The following PRKCB variants were observed in gnomAD, a reference collection of about 807,000 sequenced individuals.
PRKCB encodes the protein protein kinase C beta, also known as protein kinase C beta type.
PRKCB carries 13 observed loss-of-function variants against 81.5 expected under a neutral mutation model. The observed-to-expected ratio is 0.16, with a 90% CI of 0.10 to 0.25. The LOEUF is 0.25. Among genes scored for constraint, PRKCB ranks in the 10% least tolerant of loss-of-function variants. The pLI is 1.00. For synonymous variants in PRKCB, 335 were observed against 321.4 expected (o/e 1.04, Z -0.45); for missense variants, 509 against 875.7 (o/e 0.58, Z 5.29).
chr16:24,021,355 CTCCT>C lies in PRKCB; in HGVS notation c.289-10777_289-10774del, dbSNP rs1395926251. Among the ~76,000 whole-genome samples, 205 of 73,178 alleles carry C rather than the reference CTCCT, an allele frequency of 2.8e-3. 25 individuals carry two copies. The highest frequency in any genetic ancestry group is 4.1e-3 in the African/African-American group (64 of 15,576). 48.0% of individuals were successfully genotyped at this position (73,178 alleles called of 152,430 possible). A position where few individuals can be genotyped will look rare whatever the true frequency, so the allele number is the denominator to read the frequency against. The stretch of plus-strand genomic sequence containing the variant: ...CCTTCCTTCCTTCCTTCCTTCCTTC[CTCCT>C]TCCCTCCCTCCCTCCCCCCTCCTCC... On this transcript the variant is annotated intron_variant, in intron 3 of 16. Transcript: ENST00000643927.
intron 2 of PRKCB, among the ~76,000 whole-genome samples, chr16:23,966,219 C>T (rs1384988362): frequency 6.6e-6 from 1 of 152,172 alleles, no homozygotes; most frequent in African/African-American, 2.4e-5. Context: ...CATCTCTTGC[C>T]CTGGGAGGGG....
intron 2 of PRKCB, among the ~76,000 whole-genome samples, chr16:23,871,858 G>GT (rs61498403): frequency 5.9e-4 from 87 of 146,922 alleles, no homozygotes; most frequent in Admixed American, 1.4e-3. Context: ...AGTTATACAG[G>GT]TTTTTTTTTT....
At chr16:24,017,232 A>G (rs1314094643) in intron 3 of PRKCB, among the ~76,000 whole-genome samples, 5 of 152,232 alleles carry the variant, frequency 3.3e-5, no homozygotes, top group Non-Finnish European at 4.4e-5. Context: ...TACATAAGAA[A>G]TTCGTGTATC....
At position 24,215,284 on chromosome 16, in the gene PRKCB, G is replaced by A. The variant is rs1968208929; in HGVS notation, c.*468G>A. The A allele has an allele frequency of 1.0e-6, 1 of 987,054 alleles. No homozygotes were observed. The allele number at this position is 987,054 out of a possible 1,614,324, so 61.1% of individuals were successfully genotyped here. On this transcript the variant is annotated 3_prime_UTR_variant, in exon 17 of 17. Coordinates refer to ENST00000643927, the MANE Select transcript of PRKCB (RefSeq NM_002738.7). ...ATCCCTCTATTTCACCTGTTCTGGAGGCACCAGACCTTGAAAAGAACATGC... is the reference window on the plus strand; with the variant it reads ...ATCCCTCTATTTCACCTGTTCTGGAAGCACCAGACCTTGAAAAGAACATGC...
At chr16:24,146,402 C>T (rs924196821) in intron 9 of PRKCB, among the ~76,000 whole-genome samples, 8 of 152,186 alleles carry the variant, frequency 5.3e-5, no homozygotes, top group African/African-American at 1.4e-4. Flanking sequence ...ATAAAACTCT[C>T]TCAGCAGCAC....
chr16:23,867,017 C>T (rs1002635986), intron 2 of PRKCB, among the ~76,000 whole-genome samples: 6 of 83,372 alleles, frequency 7.2e-5, no homozygotes, highest in African/African-American at 3.1e-4. Context: ...TCCTTCCTTC[C>T]TTCCTTCCTT....
intron 2 of PRKCB, among the ~76,000 whole-genome samples, chr16:23,901,353 GTTA>G (rs1405644699): frequency 6.6e-6 from 1 of 152,080 alleles, no homozygotes; most frequent in East Asian, 1.9e-4. Context: ...AAAAAAAATC[GTTA>G]ACTCAACGGG....
intron 5 of PRKCB, among the ~76,000 whole-genome samples, chr16:24,073,217 A>G (rs1966136081): frequency 6.6e-6 from 1 of 152,204 alleles, no homozygotes; most frequent in African/African-American, 2.4e-5. Flanking sequence ...TATTTTGACT[A>G]TCAGCCCTGT....
intron 5 of PRKCB, among the ~76,000 whole-genome samples, chr16:24,051,398 C>A (rs1965840560): frequency 6.6e-6 from 1 of 152,134 alleles, no homozygotes; most frequent in Non-Finnish European, 1.5e-5. Flanking sequence ...TTAGCACAGG[C>A]TGGCCCAGAG....
At chr16:23,878,677 A>C (rs1427725539) in intron 2 of PRKCB, among the ~76,000 whole-genome samples, 1 of 152,230 alleles carries the variant, frequency 6.6e-6, no homozygotes, top group Non-Finnish European at 1.5e-5. Context: ...ATCATGAAAG[A>C]ACCTTGAGTA....
intron 3 of PRKCB, among the ~76,000 whole-genome samples, chr16:23,994,269 T>C (rs1964926975): frequency 2.6e-5 from 4 of 152,200 alleles, no homozygotes; most frequent in African/African-American, 7.2e-5. Context: ...AATGGAATTT[T>C]AGCTCAGGTC....
chr16:24,029,869 C>T (rs1965529678), intron 3 of PRKCB, among the ~76,000 whole-genome samples: 1 of 152,124 alleles, frequency 6.6e-6, no homozygotes, highest in Non-Finnish European at 1.5e-5. Context: ...GAACCTAAGG[C>T]CCATGTTATT....
intron 7 of PRKCB, among the ~76,000 whole-genome samples, chr16:24,107,819 TG>T (rs1423212786): frequency 6.6e-6 from 1 of 152,240 alleles, no homozygotes; most frequent in African/African-American, 2.4e-5. Context: ...TGGGCTCTGT[TG>T]GGGCACCTTT....
intron 8 of PRKCB, among the ~76,000 whole-genome samples, chr16:24,116,809 C>T (rs1270737401): frequency 6.6e-6 from 1 of 152,182 alleles, no homozygotes; most frequent in East Asian, 1.9e-4. Flanking sequence ...GGGTGAAAAA[C>T]ACAAGGCCAG....
At chr16:24,024,692 C>A (rs1386206736) in intron 3 of PRKCB, among the ~76,000 whole-genome samples, 2 of 152,200 alleles carry the variant, frequency 1.3e-5, no homozygotes, top group African/African-American at 4.8e-5. Context: ...TGTGTCCCAG[C>A]CACTCAGCAT....
intron 5 of PRKCB, among the ~76,000 whole-genome samples, chr16:24,055,758 C>T (rs1204200461): frequency 6.6e-6 from 1 of 152,186 alleles, no homozygotes; most frequent in African/African-American, 2.4e-5. Flanking sequence ...AAGGATGTTC[C>T]AGTGCATCTT....
intron 3 of PRKCB, among the ~76,000 whole-genome samples, chr16:24,014,788 T>C (rs1313955112): frequency 6.6e-6 from 1 of 152,134 alleles, no homozygotes; most frequent in Non-Finnish European, 1.5e-5. Flanking sequence ...GTGTGATTAT[T>C]ATTTCCTTTT....
rs13337932 is a variant in PRKCB, at chr16:23,988,787, A to G, written c.288+197A>G. ...AGGGAGTGTGGCTGGATAGGAAGTC[A>G]GCTAGTTTGTCTACTATGATTTTGC... On this transcript the variant is annotated intron_variant, in intron 3 of 16. Transcript: ENST00000643927. Among the ~76,000 whole-genome samples the G allele has an allele frequency of 2.3e-3, 356 of 152,248 alleles. 1 individual carries two copies. The highest frequency in any genetic ancestry group is 7.9e-3 in the African/African-American group (330 of 41,526).
At chr16:24,111,034 CA>C (rs1966670197) in intron 7 of PRKCB, 1 of 152,142 alleles carries the variant, frequency 6.6e-6, no homozygotes, top group Admixed American at 6.5e-5. Flanking sequence ...AAAGTTTACC[CA>C]AAATAGCTCT....
Sources: allele counts gnomAD v4.1 joint callset (sites outside exome capture counted in the v4.1 genomes callset), GRCh38; gene constraint gnomAD v4.1.1; transcripts MANE v1.5; gene names NCBI Gene and HGNC (gene_info 2026-07-23, HGNC 2026-07-21).